The following HNRNPA1L3 variants were observed in gnomAD, a reference collection of about 807,000 sequenced individuals.
HNRNPA1L3 encodes the protein heterogeneous nuclear ribonucleoprotein A1 like 3.
the HNRNPA1L3 span, chr16:51,646,641 C>T: frequency 6.3e-7 from 1 of 1,597,516 alleles, no homozygotes; most frequent in Non-Finnish European, 8.5e-7. Context: ...AATTTTGGAC[C>T]CATGAAGGGA....
At chr16:51,646,026 C>T in the HNRNPA1L3 span, 1 of 1,589,290 alleles carries the variant, frequency 6.3e-7, no homozygotes, top group East Asian at 2.2e-5. Flanking sequence ...GAGGTGGATG[C>T]AGCTATGAAT....
the HNRNPA1L3 span, chr16:51,645,869 A>C: frequency 6.2e-7 from 1 of 1,607,274 alleles, no homozygotes; most frequent in African/African-American, 1.3e-5. Flanking sequence ...GAAGCTCTTC[A>C]TTGGAGGGTT....
chr16:51,647,041 T>A, the HNRNPA1L3 span: 1 of 503,160 alleles, frequency 2.0e-6, no homozygotes, highest in Non-Finnish European at 3.5e-6. Flanking sequence ...ATGTAGATTT[T>A]TTTTTTTTGC....
the HNRNPA1L3 span, chr16:51,646,252 A>G: frequency 6.3e-7 from 1 of 1,596,570 alleles, no homozygotes; most frequent in Non-Finnish European, 8.5e-7. Flanking sequence ...GTGGCAAGAA[A>G]AGGGGCTTTG....
chr16:51,645,934 G>A, the HNRNPA1L3 span: 198 of 1,606,452 alleles, frequency 1.2e-4, 1 homozygote, highest in African/African-American at 1.9e-3. Context: ...AATGGGGAAC[G>A]CTCACGGACT....
At chr16:51,646,244 G>A in the HNRNPA1L3 span, 103 of 1,596,556 alleles carry the variant, frequency 6.5e-5, 1 homozygote, top group East Asian at 1.9e-3. Context: ...CAGAGGCAGT[G>A]GCAAGAAAAG....
chr16:51,646,534 C>T, the HNRNPA1L3 span: 3 of 1,596,980 alleles, frequency 1.9e-6, no homozygotes, highest in Non-Finnish European at 2.5e-6. Flanking sequence ...GATATGGTGG[C>T]AGTGGGGATG....
At chr16:51,645,870 T>C in the HNRNPA1L3 span, 2 of 1,605,754 alleles carry the variant, frequency 1.2e-6, no homozygotes, top group Non-Finnish European at 8.5e-7. Context: ...AAGCTCTTCA[T>C]TGGAGGGTTG....
the HNRNPA1L3 span, chr16:51,645,790 C>T: frequency 8.7e-6 from 14 of 1,607,776 alleles, no homozygotes; most frequent in Middle Eastern, 2.3e-4. Flanking sequence ...GAAGAAGCAT[C>T]GTTAAAGTCT....
the HNRNPA1L3 span, chr16:51,646,198 G>A: frequency 2.4e-5 from 39 of 1,594,272 alleles, no homozygotes; most frequent in African/African-American, 4.3e-4. Flanking sequence ...ATTTTGAACA[G>A]TATGGAAAAA....
At chr16:51,646,200 A>G in the HNRNPA1L3 span, 1 of 1,594,714 alleles carries the variant, frequency 6.3e-7, no homozygotes, top group East Asian at 2.2e-5. Context: ...TTTGAACAGT[A>G]TGGAAAAATT....
chr16:51,645,815 G>A, the HNRNPA1L3 span: 153 of 1,607,518 alleles, frequency 9.5e-5, no homozygotes, highest in South Asian at 9.7e-4. Flanking sequence ...TCACCCTGCC[G>A]TCATGTCTAA....
chr16:51,645,974 C>T, the HNRNPA1L3 span: 377 of 1,604,030 alleles, frequency 2.4e-4, no homozygotes, highest in African/African-American at 2.9e-3. Context: ...AAACACGAAG[C>T]GCTCCAGGGG....
At chr16:51,646,023 A>T in the HNRNPA1L3 span, 2 of 1,591,118 alleles carry the variant, frequency 1.3e-6, no homozygotes, top group East Asian at 2.2e-5. Flanking sequence ...GAGGAGGTGG[A>T]TGCAGCTATG....
the HNRNPA1L3 span, chr16:51,646,045 A>G: frequency 6.3e-7 from 1 of 1,586,230 alleles, no homozygotes; most frequent in Non-Finnish European, 8.5e-7. Flanking sequence ...ATGCAAGGCC[A>G]CACAAGGTGG....
chr16:51,647,023 G>A, the HNRNPA1L3 span: 83 of 564,342 alleles, frequency 1.5e-4, no homozygotes, highest in Admixed American at 6.6e-4. Context: ...TTCCAACAAA[G>A]GGTTTTAATG....
chr16:51,646,653 G>A, the HNRNPA1L3 span: 56 of 1,598,084 alleles, frequency 3.5e-5, no homozygotes, highest in Admixed American at 9.2e-4. Flanking sequence ...ATGAAGGGAG[G>A]AAATTTTGAA....
the HNRNPA1L3 span, chr16:51,646,512 G>A: frequency 1.2e-4 from 188 of 1,597,564 alleles, no homozygotes; most frequent in South Asian, 5.9e-4. Context: ...GGTGGCAGCC[G>A]TGGTGGTGGT....
At chr16:51,646,520 G>C in the HNRNPA1L3 span, 7 of 1,597,640 alleles carry the variant, frequency 4.4e-6, 1 homozygote, top group South Asian at 4.4e-5. Flanking sequence ...CCGTGGTGGT[G>C]GTGGATATGG....
Sources: allele counts gnomAD v4.1 joint callset, GRCh38; gene constraint gnomAD v4.1.1; transcripts MANE v1.5; gene names NCBI Gene and HGNC (gene_info 2026-07-23, HGNC 2026-07-21).